Variants in TENM3 observed in about 807,000 individuals in gnomAD.
TENM3 encodes the protein teneurin transmembrane protein 3.
A neutral mutation model predicts 255.1 loss-of-function variants in TENM3; 63 were observed. The observed-to-expected ratio is 0.25, with a 90% confidence interval of 0.20 to 0.30. The LOEUF (loss-of-function observed/expected upper bound fraction) is 0.30, where lower values mean the gene tolerates loss of function less well. TENM3 is among the 10% of genes least tolerant of loss of function. The probability of loss-of-function intolerance (pLI) is 1.00; values close to 1 mark genes in which losing one functional copy is unlikely to be tolerated. For synonymous variants in TENM3, 1,306 were observed against 1,322.3 expected, an observed-to-expected ratio of 0.99 and a Z score of 0.27; for missense variants, 2,929 against 3,461.1, an observed-to-expected ratio of 0.85 and a Z score of 3.86.
At chr4:181,964,067 AT>A in the TENM3 span, among the ~76,000 whole-genome samples, 14,918 of 138,772 alleles carry the variant, frequency 0.11, 717 homozygotes, top group Non-Finnish European at 0.12. Context: ...TGACCTTCCG[AT>A]TTTTTTTTTT....
At chr4:181,704,876 T>A in the TENM3 span, among the ~76,000 whole-genome samples, 30 of 151,666 alleles carry the variant, frequency 2.0e-4, no homozygotes, top group African/African-American at 7.3e-4. Flanking sequence ...CTACTAAAAA[T>A]ACAAAAATTA....
At chr4:181,930,626 C>T in the TENM3 span, among the ~76,000 whole-genome samples, 1 of 151,596 alleles carries the variant, frequency 6.6e-6, no homozygotes, top group African/African-American at 2.4e-5. Flanking sequence ...GAAATTGTTC[C>T]AAACAACAGA....
the TENM3 span, among the ~76,000 whole-genome samples, chr4:181,464,637 A>ATT: frequency 6.6e-6 from 1 of 150,748 alleles, no homozygotes. Flanking sequence ...TTAGAAGCAT[A>ATT]TTTTTTTTTC....
intron 3 of TENM3, among the ~76,000 whole-genome samples, chr4:182,505,616 T>C (rs907114933): frequency 3.0e-4 from 45 of 152,142 alleles, no homozygotes; most frequent in Non-Finnish European, 4.9e-4. Flanking sequence ...GTAGCTGGGA[T>C]TACAGGCACC....
At chr4:182,565,520 A>G (rs560572286) in intron 3 of TENM3, among the ~76,000 whole-genome samples, 6 of 152,304 alleles carry the variant, frequency 3.9e-5, no homozygotes, top group African/African-American at 1.4e-4. Context: ...AGAATTTTTA[A>G]AAGTATAAAG....
At chr4:182,490,302 G>A (rs1369175037) in intron 3 of TENM3, among the ~76,000 whole-genome samples, 1 of 152,114 alleles carries the variant, frequency 6.6e-6, no homozygotes, top group Non-Finnish European at 1.5e-5. Flanking sequence ...CTTTGTTTTT[G>A]TCATGTTTAA....
At chr4:182,461,716 T>G (rs1238603266) in intron 3 of TENM3, among the ~76,000 whole-genome samples, 1 of 152,216 alleles carries the variant, frequency 6.6e-6, no homozygotes, top group Non-Finnish European at 1.5e-5. Context: ...CAAAGTAAAC[T>G]TCACAAAGGC....
chr4:182,758,875 C>T (rs1762924873), intron 22 of TENM3, among the ~76,000 whole-genome samples: 1 of 152,208 alleles, frequency 6.6e-6, no homozygotes, highest in Non-Finnish European at 1.5e-5. Context: ...CTATAATCAT[C>T]TTCCTGCACA....
Position 182,396,354 on chromosome 4 carries a change from C to A in TENM3, c.511+49425C>A, listed in dbSNP as rs189282359. Among the ~76,000 whole-genome samples, 828 of 152,314 alleles carry A rather than the reference C, an allele frequency of 5.4e-3. 2 individuals are homozygous for A. Among genetic ancestry groups the A allele is most frequent in the Non-Finnish European group, 8.4e-3 (571 of 68,034 alleles). ...TAGAGTCAGCCAGTCCTGATGTCTT[C>A]CACTTACAGCTGTGAGACTTTCATT... is the stretch of plus-strand genomic sequence containing the variant. On this transcript the variant is annotated intron_variant, in intron 3 of 27. Transcript: ENST00000511685.
chr4:182,334,382 C>A (rs1198110051), intron 2 of TENM3, among the ~76,000 whole-genome samples: 5 of 152,058 alleles, frequency 3.3e-5, no homozygotes, highest in Admixed American at 2.0e-4. Context: ...TTAAGGATAT[C>A]AAATAGAATT....
intron 1 of TENM3, among the ~76,000 whole-genome samples, chr4:182,309,776 G>A (rs1473254064): frequency 2.0e-5 from 3 of 151,976 alleles, no homozygotes; most frequent in Admixed American, 6.6e-5. Context: ...TGTATTTTTC[G>A]CAAACCAGCT....
chr4:182,564,158 G>T (rs558132980), intron 3 of TENM3, among the ~76,000 whole-genome samples: 1 of 152,130 alleles, frequency 6.6e-6, no homozygotes, highest in Non-Finnish European at 1.5e-5. Flanking sequence ...TTGAACCATT[G>T]GATAGGGATT....
intron 3 of TENM3, among the ~76,000 whole-genome samples, chr4:182,378,538 A>T (rs1767339199): frequency 6.6e-6 from 1 of 152,164 alleles, no homozygotes; most frequent in Non-Finnish European, 1.5e-5. Flanking sequence ...GTTAGATAAC[A>T]TAGCAGGAGA....
chr4:181,729,485 C>T, the TENM3 span, among the ~76,000 whole-genome samples: 2,451 of 152,048 alleles, frequency 0.016, 23 homozygotes, highest in Non-Finnish European at 0.024. Flanking sequence ...TTAGAGGAAC[C>T]GGAAAGGCAG....
At chr4:181,865,965 C>T in the TENM3 span, among the ~76,000 whole-genome samples, 2 of 152,130 alleles carry the variant, frequency 1.3e-5, no homozygotes, top group Non-Finnish European at 2.9e-5. Context: ...GTACAGAATA[C>T]GAATGGCTCT....
At position 182,789,490 on chromosome 4, in the gene TENM3, G is replaced by A. The variant is rs1242890182; in HGVS notation, c.5601+101G>A. ...GGAAAAAAAACAGTGGCACATGACT[G>A]AGTTCCATTTGTTATTCGAAGTATC... is the stretch of plus-strand genomic sequence containing the variant. On this transcript the variant is annotated intron_variant, in intron 25 of 27. Coordinates refer to ENST00000511685, the MANE Select transcript of TENM3 (RefSeq NM_001080477.4). This position sits in a 1 kb window ranked among gnomAD's most constrained non-coding sequence, Gnocchi z 4.4. 4 of 1,099,510 alleles carry A rather than the reference G, an allele frequency of 3.6e-6. No individual in the cohort carries two copies. The African/African-American group carries it at 6.3e-5, about 17-fold the overall frequency. 68.1% of individuals were successfully genotyped at this position (1,099,510 alleles called of 1,614,324 possible). A position where few individuals can be genotyped will look rare whatever the true frequency, so the allele number is the denominator to read the frequency against.
the TENM3 span, among the ~76,000 whole-genome samples, chr4:182,046,937 G>T: frequency 0.013 from 1,973 of 152,232 alleles, 49 homozygotes; most frequent in African/African-American, 0.044. Context: ...TAATGCAGCA[G>T]CCACAATTCA....
the TENM3 span, among the ~76,000 whole-genome samples, chr4:181,880,306 G>T: frequency 6.6e-6 from 1 of 151,994 alleles, no homozygotes; most frequent in Non-Finnish European, 1.5e-5. Context: ...TAGATTAATT[G>T]ATAGGAAAAT....
At chr4:181,656,469 C>G in the TENM3 span, among the ~76,000 whole-genome samples, 1 of 152,040 alleles carries the variant, frequency 6.6e-6, no homozygotes, top group Non-Finnish European at 1.5e-5. Flanking sequence ...TGCGATTTGG[C>G]GGTGGAAAAT....
Sources: gnomAD v4.1 joint callset for allele counts (sites outside exome capture counted in the v4.1 genomes callset) on GRCh38, gnomAD v4.1.1 for gene constraint, Gnocchi (gnomAD v3.1) non-coding constraint, MANE v1.5 for transcripts, NCBI Gene and HGNC (gene_info 2026-07-23, HGNC 2026-07-21) for gene names.